Variants in SLC24A2 observed in about 807,000 individuals in gnomAD.
SLC24A2 encodes the protein sodium/potassium/calcium exchanger 2.
SLC24A2 carries 36 observed loss-of-function variants against 62.0 expected under a neutral mutation model. The ratio of observed to expected loss-of-function variants is 0.58; its 90% confidence interval spans 0.44 to 0.77. The LOEUF is 0.77. Among genes scored for constraint, SLC24A2 ranks in the 30% least tolerant of loss-of-function variants. The pLI is 0.00. For synonymous variants in SLC24A2, 358 were observed against 294.0 expected, an observed-to-expected ratio of 1.22 and a Z score of -2.23; for missense variants, 846 against 817.9, an observed-to-expected ratio of 1.03 and a Z score of -0.42.
chr9:20,053,872 C>G, the SLC24A2 span, among the ~76,000 whole-genome samples: 1 of 152,316 alleles, frequency 6.6e-6, no homozygotes, highest in South Asian at 2.1e-4. Context: ...CCAAGACACT[C>G]CTGCGTTTTC....
intron 4 of SLC24A2, among the ~76,000 whole-genome samples, chr9:19,598,271 C>G (rs1836757759): frequency 1.3e-5 from 2 of 152,180 alleles, no homozygotes; most frequent in Admixed American, 6.5e-5. Flanking sequence ...AGAGATAGTT[C>G]TGTAGGATTC....
At chr9:20,143,149 A>C in the SLC24A2 span, among the ~76,000 whole-genome samples, 1 of 152,150 alleles carries the variant, frequency 6.6e-6, no homozygotes, top group African/African-American at 2.4e-5. Context: ...ACCAATAGTG[A>C]GGTGAGTGGA....
the SLC24A2 span, among the ~76,000 whole-genome samples, chr9:19,932,653 A>C: frequency 6.6e-6 from 1 of 152,104 alleles, no homozygotes; most frequent in Non-Finnish European, 1.5e-5. Flanking sequence ...AGAACTTCTG[A>C]CTTCTAGTCT....
chr9:19,608,317 C>CT lies in SLC24A2; in HGVS notation c.1079-11039dup, dbSNP rs879339807. On this transcript the variant is annotated intron_variant, in intron 4 of 10. Coordinates refer to ENST00000341998, the MANE Select transcript of SLC24A2 (RefSeq NM_020344.4). ...AAATTTATGAAAGCTCATTTTGAAG[C>CT]TTTTTTTTTTTTTAAATAGAAGCTA... Among the ~76,000 whole-genome samples the CT allele has an allele frequency of 5.8e-3, 838 of 143,386 alleles. 2 individuals are homozygous for CT. The highest frequency in any genetic ancestry group is 0.016 in the African/African-American group (637 of 39,236). 94.1% of individuals were successfully genotyped at this position (143,386 alleles called of 152,430 possible). A position where few individuals can be genotyped will look rare whatever the true frequency, so the allele number is the denominator to read the frequency against.
At chr9:19,984,188 A>G in the SLC24A2 span, among the ~76,000 whole-genome samples, 1 of 152,198 alleles carries the variant, frequency 6.6e-6, no homozygotes, top group Non-Finnish European at 1.5e-5. Context: ...CAAATTCAAT[A>G]CAATCTCTAT....
the SLC24A2 span, among the ~76,000 whole-genome samples, chr9:19,917,378 C>G: frequency 2.2e-5 from 3 of 137,102 alleles, no homozygotes; most frequent in South Asian, 2.4e-4. Flanking sequence ...GGCATTTAGT[C>G]TGCACTTTTG....
intron 2 of SLC24A2, among the ~76,000 whole-genome samples, chr9:19,659,515 A>G (rs748421429): frequency 6.6e-5 from 10 of 152,126 alleles, no homozygotes; most frequent in Non-Finnish European, 5.9e-5. Context: ...TAACCTTCCT[A>G]AGGTGAAAAG....
intron 3 of SLC24A2, among the ~76,000 whole-genome samples, chr9:19,620,722 C>A (rs1439185501): frequency 7.9e-5 from 12 of 152,178 alleles, no homozygotes; most frequent in Non-Finnish European, 7.3e-5. Context: ...CTCTCTGAGG[C>A]AGCCAAGCTT....
chr9:20,137,897 A>T, the SLC24A2 span, among the ~76,000 whole-genome samples: 1 of 152,338 alleles, frequency 6.6e-6, no homozygotes, highest in South Asian at 2.1e-4. Flanking sequence ...TAAGTTTAAA[A>T]GTTAGAGAAC....
chr9:20,094,168 T>C, the SLC24A2 span, among the ~76,000 whole-genome samples: 1 of 152,332 alleles, frequency 6.6e-6, no homozygotes, highest in South Asian at 2.1e-4. Context: ...TTATATATTC[T>C]ATTTGACAAA....
chr9:19,954,217 C>T, the SLC24A2 span, among the ~76,000 whole-genome samples: 21 of 151,932 alleles, frequency 1.4e-4, no homozygotes, highest in Admixed American at 6.6e-4. Flanking sequence ...TTTATGGATC[C>T]TTGTATTCCC....
At chr9:20,211,356 T>C in the SLC24A2 span, among the ~76,000 whole-genome samples, 6 of 152,012 alleles carry the variant, frequency 3.9e-5, no homozygotes, top group Admixed American at 1.3e-4. Flanking sequence ...CTACTAAAAA[T>C]ACAAAATTAG....
At chr9:19,837,532 A>C in the SLC24A2 span, among the ~76,000 whole-genome samples, 3 of 138,344 alleles carry the variant, frequency 2.2e-5, no homozygotes, top group East Asian at 6.7e-4. Context: ...TTCCCTCACC[A>C]CTCCTATTCA....
the SLC24A2 span, among the ~76,000 whole-genome samples, chr9:20,113,093 AC>A: frequency 3.4e-4 from 52 of 152,042 alleles, no homozygotes; most frequent in African/African-American, 1.1e-3. Context: ...GGGGCATAGA[AC>A]CCTCTTTTGC....
At chr9:20,294,412 C>A in the SLC24A2 span, among the ~76,000 whole-genome samples, 1 of 152,204 alleles carries the variant, frequency 6.6e-6, no homozygotes, top group Non-Finnish European at 1.5e-5. Flanking sequence ...ATGAGGCAAG[C>A]TCGTTAGCTT....
At chr9:19,696,230 C>G (rs1820187729) in intron 2 of SLC24A2, among the ~76,000 whole-genome samples, 2 of 152,194 alleles carry the variant, frequency 1.3e-5, no homozygotes, top group African/African-American at 4.8e-5. Flanking sequence ...CACCACACCC[C>G]TAAGCCCCAA....
intron 2 of SLC24A2, among the ~76,000 whole-genome samples, chr9:19,668,286 C>T (rs1478046962): frequency 6.6e-6 from 1 of 152,156 alleles, no homozygotes; most frequent in Non-Finnish European, 1.5e-5. Flanking sequence ...AGGCTCAGAG[C>T]ATGGAAGTCA....
At chr9:19,787,626 CG>C (rs1823213945) in intron 1 of SLC24A2, among the ~76,000 whole-genome samples, 1 of 152,016 alleles carries the variant, frequency 6.6e-6, no homozygotes, top group Admixed American at 6.6e-5. Context: ...TTATCAGATG[CG>C]GGAAAGTAGT....
At chr9:20,270,437 G>T in the SLC24A2 span, among the ~76,000 whole-genome samples, 18 of 152,254 alleles carry the variant, frequency 1.2e-4, no homozygotes, top group South Asian at 3.7e-3. Context: ...GACAAGCCTT[G>T]TTACTCAGCC....
Sources: allele counts gnomAD v4.1 joint callset (sites outside exome capture counted in the v4.1 genomes callset), GRCh38; gene constraint gnomAD v4.1.1; transcripts MANE v1.5; gene names NCBI Gene and HGNC (gene_info 2026-07-23, HGNC 2026-07-21).